The following KRT5 variants were observed in gnomAD, a reference collection of about 807,000 sequenced individuals.
The protein encoded by KRT5 is keratin 5.
Under a neutral mutation model 44.0 loss-of-function variants are expected in KRT5, and 17 were observed. The ratio of observed to expected loss-of-function variants is 0.39; its 90% confidence interval spans 0.26 to 0.58. The LOEUF (loss-of-function observed/expected upper bound fraction) is 0.58, where lower values mean the gene tolerates loss of function less well. KRT5 is among the 20% of genes least tolerant of loss of function. The probability of loss-of-function intolerance (pLI) is 0.61; values close to 1 mark genes in which losing one functional copy is unlikely to be tolerated. For synonymous variants in KRT5, 329 were observed against 312.8 expected (o/e 1.05, Z -0.55); for missense variants, 737 against 785.5 (o/e 0.94, Z 0.74).
At chr12:52,517,016 G>A (rs2120477005) in intron 6 of KRT5, 91 bp downstream of exon 6, 1 of 1,544,736 alleles carries the variant, frequency 6.5e-7, no homozygotes, top group Non-Finnish European at 8.9e-7. Flanking sequence ...CTAGCTGCGT[G>A]TGTTTAGCAA....
At position 52,520,349 on chromosome 12, in the gene KRT5, T is replaced by C; in HGVS notation, c.-53A>G. 6.4e-7 allele frequency: 1 copy of C among 1,564,442 alleles called. No individual in the cohort carries two copies. The highest frequency in any genetic ancestry group is 2.3e-5 in the East Asian group (1 of 44,404). Reference sequence around the variant, plus strand: ...AACCAGGCACTAGTGGGTTGGGAGGTGCTGGAGAGAACAGAGCTCAGCAGG... The same window carrying C: ...AACCAGGCACTAGTGGGTTGGGAGGCGCTGGAGAGAACAGAGCTCAGCAGG... On this transcript the variant is annotated 5_prime_UTR_variant, in exon 1 of 9. Coordinates refer to ENST00000252242, the MANE Select transcript of KRT5 (RefSeq NM_000424.4).
chr12:52,519,743 T>C lies in KRT5; in HGVS notation c.554A>G (p.Lys185Arg). Residue 185 changes from lysine (K) to arginine (R), a missense_variant and splice_region_variant, in exon 1 of 9, where the codon AAG (lysine) becomes AGG (arginine). By Grantham distance (26) the Lys-to-Arg change is conservative. Coordinates refer to ENST00000252242, the MANE Select transcript of KRT5 (RefSeq NM_000424.4). Reference sequence around the variant, plus strand: ...TTTTTACAAAAGATCGTAGCTCACCTTGTCGATGAAGGAGGCAAACTTATT... The same window carrying C: ...TTTTTACAAAAGATCGTAGCTCACCCTGTCGATGAAGGAGGCAAACTTATT... ...LNNKFASFID[K>R]VRFLEQQNKV... The C allele has an allele frequency of 6.2e-7, 1 of 1,613,712 alleles. No homozygotes were observed. The highest frequency in any genetic ancestry group is 2.2e-5 in the East Asian group (1 of 44,870).
chr12:52,519,966 C>A lies in KRT5; in HGVS notation c.331G>T (p.Ala111Ser), dbSNP rs1245745607. 1 of 1,612,710 alleles carries A rather than the reference C, an allele frequency of 6.2e-7. No individual in the cohort carries two copies. Among genetic ancestry groups the A allele is most frequent in the South Asian group, 1.1e-5 (1 of 90,896 alleles). Residue 111 changes from alanine to serine, a missense_variant, in exon 1 of 9, where the codon GCT becomes TCT. This residue lies in a region of KRT5 where 326 missense variants were observed against 333.1 expected (regional missense o/e 0.98). Coordinates refer to ENST00000252242, the MANE Select transcript of KRT5 (RefSeq NM_000424.4). Reference sequence around the variant, plus strand: ...CCACCGAGCCCAAAGCCACCACCAGCTCCACCGCCGAAACCAAATCCACTA... The same window carrying A: ...CCACCGAGCCCAAAGCCACCACCAGATCCACCGCCGAAACCAAATCCACTA... ...AGSGFGFGGGAGGGFGLGGGA... is the reference protein window; with the variant it reads ...AGSGFGFGGGSGGGFGLGGGA...
In KRT5 at chr12:52,520,310, T is replaced by G. The variant is rs1410400657; in HGVS notation, c.-14A>C. 3.1e-6 allele frequency: 5 copies of G among 1,611,778 alleles called. No individual in the cohort carries two copies. The highest frequency in any genetic ancestry group is 4.2e-6 in the Non-Finnish European group (5 of 1,179,612). On this transcript the variant is annotated 5_prime_UTR_variant, in exon 1 of 9. Coordinates refer to ENST00000252242, the MANE Select transcript of KRT5 (RefSeq NM_000424.4). ...CTGGCGAGACATGGTGGCTTGTTCC[T>G]GGTGGAGCAAGAGAACCAGGCACTA...
intron 6 of KRT5, 124 bp downstream of exon 6, chr12:52,516,983 A>T: frequency 5.4e-6 from 8 of 1,479,120 alleles, no homozygotes; most frequent in Non-Finnish European, 7.5e-6. Context: ...GGGTGGCAGG[A>T]CACTGAAACA....
Position 52,514,870 on chromosome 12 carries a change from C to A in KRT5, c.*72G>T, listed in dbSNP as rs1198418857. On this transcript the variant is annotated 3_prime_UTR_variant, in exon 9 of 9. Transcript: ENST00000252242. ...AGAAAAGGATAAAACATGGCTTGAGCAACTGCCTAGAAGAGGCAATCTCCA... is the reference window on the plus strand; with the variant it reads ...AGAAAAGGATAAAACATGGCTTGAGAAACTGCCTAGAAGAGGCAATCTCCA... The A allele has an allele frequency of 1.5e-6, 2 of 1,296,310 alleles. No homozygotes were observed. Among genetic ancestry groups the A allele is most frequent in the Non-Finnish European group, 2.2e-6 (2 of 897,430 alleles). 80.3% of individuals were successfully genotyped at this position (1,296,310 alleles called of 1,614,324 possible).
Position 52,514,922 on chromosome 12 carries a change from C to T in KRT5, c.*20G>A, listed in dbSNP as rs773837847. 1.2e-6 allele frequency: 2 copies of T among 1,607,006 alleles called. No homozygotes were observed. The highest frequency in any genetic ancestry group is 4.5e-5 in the East Asian group (2 of 44,854). ...GGGCTGGGTTGCTGCACTTGGAAGG[C>T]AGTGACTTGCAGCAGGTTCTTAGCT... On this transcript the variant is annotated 3_prime_UTR_variant, in exon 9 of 9. Transcript: ENST00000252242.
At position 52,515,843 on chromosome 12, in the gene KRT5, A is replaced by G. The variant is rs763942830; in HGVS notation, c.1440-11T>C. The G allele has an allele frequency of 6.2e-7, 1 of 1,611,700 alleles. No individual in the cohort carries two copies. The highest frequency in any genetic ancestry group is 8.5e-7 in the Non-Finnish European group (1 of 1,177,798). ...CCTTCTCCACTGAGTCTGAAAGGGG[A>G]AAAATTGAATTAAGGGTTAACAGCT... On this transcript the variant is annotated splice_polypyrimidine_tract_variant and intron_variant, in intron 7 of 8. Transcript: ENST00000252242.
chr12:52,516,481 C>T (rs1344720919), intron 7 of KRT5, 156 bp downstream of exon 7: 14 of 781,302 alleles, frequency 1.8e-5, no homozygotes, highest in East Asian at 2.7e-5. Context: ...GAGTTGAGGT[C>T]AGCTATATGG....
At chr12:52,518,484 C>T (rs1192602926) in intron 2 of KRT5, 2 of 580,920 alleles carry the variant, frequency 3.4e-6, no homozygotes, top group Non-Finnish European at 6.4e-6. Context: ...CTTTTTTGAG[C>T]TTTCAGAGGC....
chr12:52,518,835 G>C (rs1938660605), intron 2 of KRT5, 111 bp downstream of exon 2: 2 of 1,283,446 alleles, frequency 1.6e-6, no homozygotes, highest in African/African-American at 2.9e-5. Context: ...GTCCATGGAA[G>C]GTATATCCTC....
Position 52,520,147 on chromosome 12 carries a change from G to A in KRT5, c.150C>T (p.Ser50=), listed in dbSNP as rs1014080174. Residue 50 remains serine (S), a synonymous_variant, in exon 1 of 9, where the codon AGC becomes AGT. Transcript: ENST00000252242. ...CACCCACTCCACAAGCACCCGCAAGGCTGACCCTGCCGAAGCCACCACCAC... is the reference window on the plus strand; with the variant it reads ...CACCCACTCCACAAGCACCCGCAAGACTGACCCTGCCGAAGCCACCACCAC... ...GGGGGGFGRV[S]LAGACGVGGY... 13 of 1,613,874 alleles carry A rather than the reference G, an allele frequency of 8.1e-6. No homozygotes were observed. Among genetic ancestry groups the A allele is most frequent in the Non-Finnish European group, 1.1e-5 (13 of 1,179,918 alleles).
chr12:52,517,001 T>C, intron 6 of KRT5, 106 bp downstream of exon 6: 1 of 1,506,492 alleles, frequency 6.6e-7, no homozygotes, highest in Non-Finnish European at 9.2e-7. Flanking sequence ...ACACTGGTAC[T>C]GGATCTAGCT....
At chr12:52,518,249 T>G in intron 2 of KRT5, 86 bp from the exon 3 acceptor site, 1 of 1,307,704 alleles carries the variant, frequency 7.6e-7, no homozygotes, top group Non-Finnish European at 1.1e-6. Context: ...GTAAGCCTAC[T>G]TTTGCAGTGG....
Position 52,514,965 on chromosome 12 carries a change from A to G in KRT5, c.1750T>C (p.Ser584Pro), listed in dbSNP as rs1312600827. The G allele has an allele frequency of 6.2e-7, 1 of 1,613,284 alleles. No homozygotes were observed. The highest frequency in any genetic ancestry group is 8.5e-7 in the Non-Finnish European group (1 of 1,179,814). Reference protein sequence around the residue: ...SVKFVSTTSSSRKSFKS With the variant: ...SVKFVSTTSSPRKSFKS ...TCTTAGCTCTTGAAGCTCTTCCGGGAGGAGGAGGTGGTGGAGACAAATTTG... is the reference window on the plus strand; with the variant it reads ...TCTTAGCTCTTGAAGCTCTTCCGGGGGGAGGAGGTGGTGGAGACAAATTTG... The change falls in exon 9 of 9, where the codon TCC (serine) becomes CCC (proline). Residue 584 changes from serine (S) to proline (P), a missense_variant. Around this residue, in one of 5 missense-constraint regions of KRT5, gnomAD observed 344 missense variants for 351.6 expected, o/e 0.98. Transcript: ENST00000252242.
chr12:52,518,311 C>T (rs556154141), intron 2 of KRT5, 148 bp from the exon 3 acceptor site: 6 of 762,652 alleles, frequency 7.9e-6, no homozygotes, highest in Non-Finnish European at 1.4e-5. Context: ...GTAGCATGAA[C>T]CTCTGGCCAA....
chr12:52,514,913 C>T lies in KRT5; in HGVS notation c.*29G>A, dbSNP rs750735148. 6.3e-7 allele frequency: 1 copy of T among 1,596,332 alleles called. No individual in the cohort carries two copies. Among genetic ancestry groups the T allele is most frequent in the Admixed American group, 1.7e-5 (1 of 60,006 alleles). ...AATCTCCATGGGCTGGGTTGCTGCA[C>T]TTGGAAGGCAGTGACTTGCAGCAGG... On this transcript the variant is annotated 3_prime_UTR_variant, in exon 9 of 9. Coordinates refer to ENST00000252242, the MANE Select transcript of KRT5 (RefSeq NM_000424.4).
At chr12:52,519,241 T>C in intron 1 of KRT5, 81 bp from the exon 2 acceptor site, 1 of 1,576,820 alleles carries the variant, frequency 6.3e-7, no homozygotes, top group Non-Finnish European at 8.6e-7. Flanking sequence ...CTCCCACCTC[T>C]TTCCGTCCCT....
rs1565592064 is a variant in KRT5 at position 52,515,069 on chromosome 12, CCCA to C, written c.1643_1645del (p.Val548del). On this transcript the variant is annotated inframe_deletion, in exon 9 of 9. Transcript: ENST00000252242. ...ACTGCTTGCACTGAAGCCAGAGCCC[CCCA>C]CACTGAGCCCACCACCTAGGCCGAC... 1 of 1,612,800 alleles carries C rather than the reference CCCA, an allele frequency of 6.2e-7. No individual in the cohort carries two copies. The highest frequency in any genetic ancestry group is 1.7e-5 in the Admixed American group (1 of 59,940).
Sources: allele counts gnomAD v4.1 joint callset, GRCh38; gene constraint gnomAD v4.1.1; regional missense constraint gnomAD v4.1.1; transcripts MANE v1.5; gene names NCBI Gene and HGNC (gene_info 2026-07-23, HGNC 2026-07-21).